TUBGCP2: variants seen among roughly 807,000 people sequenced by gnomAD.
The protein encoded by TUBGCP2 is gamma-tubulin complex component 2.
TUBGCP2 carries 55 observed loss-of-function variants against 92.2 expected under a neutral mutation model. That is an observed-to-expected ratio of 0.60 (90% CI 0.48 to 0.75). The LOEUF (loss-of-function observed/expected upper bound fraction) is 0.75. Among genes scored for constraint, TUBGCP2 ranks in the 30% least tolerant of loss-of-function variants. The probability of loss-of-function intolerance (pLI) is 0.00; values close to 1 mark genes in which losing one functional copy is unlikely to be tolerated. For synonymous variants in TUBGCP2, 533 were observed against 505.2 expected (o/e 1.06, Z -0.74); for missense variants, 1,093 against 1,188.9 (o/e 0.92, Z 1.19).
Position 133,285,026 on chromosome 10 carries a change from G to A in TUBGCP2, c.2024+59C>T, listed in dbSNP as rs545934394. Reference sequence around the variant, plus strand: ...GGCACAAGGGGGGCGCTGCACCACTGGGCAGAGTGCAGCGAGCGCTGCTTC... The same window carrying A: ...GGCACAAGGGGGGCGCTGCACCACTAGGCAGAGTGCAGCGAGCGCTGCTTC... On this transcript the variant is annotated intron_variant, in intron 13 of 17. Coordinates refer to ENST00000252936, the MANE Select transcript of TUBGCP2 (RefSeq NM_006659.4). The surrounding 1 kb of genome is among the most constrained non-coding windows in gnomAD (Gnocchi z 6.8). 5 of 1,549,236 alleles carry A rather than the reference G, an allele frequency of 3.2e-6. No homozygotes were observed. Among genetic ancestry groups the A allele is most frequent in the East Asian group, 2.3e-5 (1 of 44,152 alleles).
intron 11 of TUBGCP2, among the ~76,000 whole-genome samples, chr10:133,286,383 C>T (rs956247762): frequency 1.3e-5 from 2 of 152,202 alleles, no homozygotes; most frequent in African/African-American, 4.8e-5. Flanking sequence ...CTGCTCCTAA[C>T]AAGAGACCCC....
intron 4 of TUBGCP2, 73 bp downstream of exon 4, chr10:133,299,354 T>A: frequency 7.5e-7 from 1 of 1,332,060 alleles, no homozygotes; most frequent in Non-Finnish European, 1.0e-6. Flanking sequence ...GCACTGAGTG[T>A]GGGTGCCTGT....
chr10:133,279,766 T>A lies in TUBGCP2; in HGVS notation c.2709A>T (p.Ter903CysextTer35). The change falls in exon 18 of 18, where the codon TGA (stop) becomes TGT (cysteine). Residue 903 changes from the stop codon to cysteine, a stop_lost. Transcript: ENST00000252936. ...PAPRVAVTAQ[*>C] ...CCTTCCTTCCTGTCACAGCCAGGGC[T>A]CACTGTGCGGTGACTGCGACCCTGG... 6.4e-7 allele frequency: 1 copy of A among 1,555,462 alleles called. No individual in the cohort carries two copies. The highest frequency in any genetic ancestry group is 8.7e-7 in the Non-Finnish European group (1 of 1,149,550).
At chr10:133,310,065 G>T (rs1847953967), upstream of TUBGCP2, 1 of 1,609,664 alleles carries the variant, frequency 6.2e-7, no homozygotes, top group African/African-American at 1.3e-5. Context: ...GCTCGGGCAA[G>T]GCCGGGGACA....
chr10:133,293,053 A>G lies in TUBGCP2; in HGVS notation c.1010T>C (p.Ile337Thr). 1 of 1,613,238 alleles carries G rather than the reference A, an allele frequency of 6.2e-7. No homozygotes were observed. Among genetic ancestry groups the G allele is most frequent in the Non-Finnish European group, 8.5e-7 (1 of 1,179,970 alleles). The change falls in exon 7 of 18, where the codon ATC (isoleucine) becomes ACC (threonine). Residue 337 changes from isoleucine (I) to threonine (T), a missense_variant. Transcript: ENST00000252936. ...YIQPAMRTMD[I>T]LASLATSVDK... Reference sequence around the variant, plus strand: ...CGGGCACGCACCGAGGGAGGCCAGGATGTCCATGGTGCGCATGGCTGGCTG... The same window carrying G: ...CGGGCACGCACCGAGGGAGGCCAGGGTGTCCATGGTGCGCATGGCTGGCTG...
Position 133,278,645 on chromosome 10 carries a change from A to G in TUBGCP2, c.*1121T>C, listed in dbSNP as rs1041978377. The G allele has an allele frequency of 2.0e-5, 3 of 152,234 alleles. No homozygotes were observed. The highest frequency in any genetic ancestry group is 4.4e-5 in the Non-Finnish European group (3 of 68,044). The allele number at this position is 152,234 out of a possible 1,614,324, so 9.4% of individuals were successfully genotyped here. Reference sequence around the variant, plus strand: ...GACTGACAGCTTGGGTTGCTGATAAATGTGTTTACTCACAGGCCAGACCTG... The same window carrying G: ...GACTGACAGCTTGGGTTGCTGATAAGTGTGTTTACTCACAGGCCAGACCTG... On this transcript the variant is annotated 3_prime_UTR_variant, in exon 18 of 18. Coordinates refer to ENST00000252936, the MANE Select transcript of TUBGCP2 (RefSeq NM_006659.4).
intron 11 of TUBGCP2, among the ~76,000 whole-genome samples, chr10:133,287,369 C>G (rs1847156759): frequency 6.6e-6 from 1 of 152,156 alleles, no homozygotes; most frequent in East Asian, 1.9e-4. Context: ...ATCGCTTGAG[C>G]CCAGGGGTTC....
intron 11 of TUBGCP2, 71 bp downstream of exon 11, chr10:133,288,058 T>A (rs912588260): frequency 6.5e-7 from 1 of 1,532,896 alleles, no homozygotes; most frequent in African/African-American, 1.4e-5. Flanking sequence ...AGGGCTGGCC[T>A]CTGCTGTGCT....
chr10:133,302,751 G>T, intron 2 of TUBGCP2, 41 bp downstream of exon 2: 2 of 1,610,174 alleles, frequency 1.2e-6, no homozygotes, highest in Non-Finnish European at 1.7e-6. Flanking sequence ...CCCAGGAACA[G>T]TGCTCACCCT....
chr10:133,287,221 G>C (rs1426386304), intron 11 of TUBGCP2, among the ~76,000 whole-genome samples: 1 of 152,210 alleles, frequency 6.6e-6, no homozygotes, highest in Admixed American at 6.5e-5. Flanking sequence ...AAGGGACTGA[G>C]CAGACCTGTG....
At chr10:133,289,797 C>CCCAAGTACCCGCCCGCTGCGCCGCGGACG in intron 9 of TUBGCP2, 27 bp downstream of exon 9, 1 of 147,664 alleles carries the variant, frequency 6.8e-6, no homozygotes, top group Non-Finnish European at 1.1e-5. Flanking sequence ...TGCTGCGCAC[C>CCCAAGTACCCGCCCGCTGCGCCGCGGACG]CCAAGTCCCC....
chr10:133,299,726 C>A, intron 3 of TUBGCP2, 123 bp from the exon 4 acceptor site: 2 of 908,682 alleles, frequency 2.2e-6, no homozygotes, highest in Non-Finnish European at 3.3e-6. Context: ...AATAGCAAAG[C>A]GACGCGTGCG....
upstream of TUBGCP2, chr10:133,309,740 C>A: frequency 6.2e-7 from 1 of 1,609,278 alleles, no homozygotes; most frequent in Non-Finnish European, 8.5e-7. Context: ...TTCCTCGCAC[C>A]GGAGGAAGGG....
At chr10:133,293,298 G>T in intron 6 of TUBGCP2, 60 bp from the exon 7 acceptor site, 1 of 1,562,780 alleles carries the variant, frequency 6.4e-7, no homozygotes, top group Non-Finnish European at 8.8e-7. Context: ...TACAATGTCC[G>T]ATATTCTGAG....
Position 133,302,925 on chromosome 10 carries a change from A to G in TUBGCP2, c.17T>C (p.Ile6Thr), listed in dbSNP as rs1161392593. Residue 6 changes from isoleucine (I) to threonine (T), a missense_variant, in exon 2 of 18, where the codon ATT becomes ACT. By Grantham distance (89) the Ile-to-Thr change is moderately conservative. Transcript: ENST00000252936. Reference sequence around the variant, plus strand: ...AAGCAGTTCATTGACGTCATGGTGAATCCGAAATTCACTCATAGTTTTAGC... The same window carrying G: ...AAGCAGTTCATTGACGTCATGGTGAGTCCGAAATTCACTCATAGTTTTAGC... MSEFRIHHDVNELLSL... is the reference protein window; with the variant it reads MSEFRTHHDVNELLSL... 1 of 1,614,064 alleles carries G rather than the reference A, an allele frequency of 6.2e-7. No homozygotes were observed. Among genetic ancestry groups the G allele is most frequent in the Admixed American group, 1.7e-5 (1 of 60,032 alleles).
At chr10:133,301,501 C>T (rs1368523516) in intron 2 of TUBGCP2, among the ~76,000 whole-genome samples, 1 of 152,070 alleles carries the variant, frequency 6.6e-6, no homozygotes, top group Non-Finnish European at 1.5e-5. Context: ...AGTCTCTATT[C>T]CACTCGGCTA....
Position 133,293,711 on chromosome 10 carries a change from C to T in TUBGCP2, c.675G>A (p.Leu225=). Residue 225 remains leucine, a synonymous_variant, in exon 6 of 18, where the codon CTG becomes CTA. Coordinates refer to ENST00000252936, the MANE Select transcript of TUBGCP2 (RefSeq NM_006659.4). ...SAVVEDLLYV[L]VGVDGRYVSA... ...TGACGTACCTCCCGTCCACGCCCAC[C>T]AGCACGTACAGCAGGTCCTCCACCA... 2 of 1,605,246 alleles carry T rather than the reference C, an allele frequency of 1.2e-6. No individual in the cohort carries two copies. The highest frequency in any genetic ancestry group is 1.7e-6 in the Non-Finnish European group (2 of 1,176,772).
rs987869197 is a variant in TUBGCP2 at position 133,299,553 on chromosome 10, G to A, written c.330C>T (p.Ala110=). ...QNAKERAELA[A]AAVGSSTTSI... ...TGGTGGTACTGCTGCCCACAGCAGC[G>A]GCTGCAAGCTCAGCTCTTTCTTTTG... Residue 110 remains alanine, a synonymous_variant, in exon 4 of 18, where the codon GCC becomes GCT. Coordinates refer to ENST00000252936, the MANE Select transcript of TUBGCP2 (RefSeq NM_006659.4). 8.7e-6 allele frequency: 14 copies of A among 1,613,468 alleles called. No homozygotes were observed. The highest frequency in any genetic ancestry group is 4.0e-5 in the African/African-American group (3 of 74,898).
intron 17 of TUBGCP2, 56 bp from the exon 18 acceptor site, chr10:133,279,957 G>C (rs1589819131): frequency 6.3e-7 from 1 of 1,577,742 alleles, no homozygotes; most frequent in Non-Finnish European, 8.6e-7. Flanking sequence ...GTGCATGCTG[G>C]GCAGCAGGGG....
Sources: gnomAD v4.1 joint callset for allele counts (sites outside exome capture counted in the v4.1 genomes callset) on GRCh38, gnomAD v4.1.1 for gene constraint, Gnocchi (gnomAD v3.1) non-coding constraint, MANE v1.5 for transcripts, NCBI Gene and HGNC (gene_info 2026-07-23, HGNC 2026-07-21) for gene names.